The following TRABD2B variants were observed in gnomAD, a reference collection of about 807,000 sequenced individuals.
TRABD2B encodes TraB domain containing 2B.
A neutral mutation model predicts 40.1 loss-of-function variants in TRABD2B; 14 were observed. The observed-to-expected ratio is 0.35, with a 90% CI of 0.23 to 0.55. The LOEUF (loss-of-function observed/expected upper bound fraction) is 0.55, where lower values mean the gene tolerates loss of function less well. TRABD2B is among the 20% of genes least tolerant of loss of function. The probability of loss-of-function intolerance (pLI) is 0.90; values close to 1 mark genes in which losing one functional copy is unlikely to be tolerated. For synonymous variants in TRABD2B, 263 were observed against 277.0 expected (o/e 0.95, Z 0.50); for missense variants, 541 against 648.6 (o/e 0.83, Z 1.80).
chr1:47,822,281 T>C (rs183969670), intron 2 of TRABD2B, among the ~76,000 whole-genome samples: 120 of 152,306 alleles, frequency 7.9e-4, no homozygotes, highest in African/African-American at 2.4e-3. Context: ...GGGCTCACTG[T>C]CGGGAAAGAA....
intron 2 of TRABD2B, among the ~76,000 whole-genome samples, chr1:47,859,700 C>T (rs1643938523): frequency 6.6e-6 from 1 of 152,192 alleles, no homozygotes; most frequent in Non-Finnish European, 1.5e-5. Flanking sequence ...CCCCACTTCC[C>T]CACCATCTCC....
chr1:47,871,600 C>T (rs575061751), intron 2 of TRABD2B, among the ~76,000 whole-genome samples: 1 of 152,188 alleles, frequency 6.6e-6, no homozygotes, highest in Non-Finnish European at 1.5e-5. Context: ...CGCTCACACA[C>T]TCAGAGCCAG....
chr1:47,957,864 C>T (rs1376262324), intron 2 of TRABD2B, among the ~76,000 whole-genome samples: 3 of 152,090 alleles, frequency 2.0e-5, no homozygotes, highest in Non-Finnish European at 2.9e-5. Context: ...GAGACCACCA[C>T]GAAGATATTC....
At chr1:47,991,907 G>T (rs1440567582) in intron 2 of TRABD2B, among the ~76,000 whole-genome samples, 1 of 152,048 alleles carries the variant, frequency 6.6e-6, no homozygotes, top group Non-Finnish European at 1.5e-5. Context: ...TGAATTTTTG[G>T]ATCCCTAATG....
At chr1:47,822,175 CAT>C (rs1645120476) in intron 2 of TRABD2B, among the ~76,000 whole-genome samples, 1 of 152,074 alleles carries the variant, frequency 6.6e-6, no homozygotes, top group Non-Finnish European at 1.5e-5. Flanking sequence ...CACAAACACA[CAT>C]ACACTCCTCC....
At chr1:47,978,717 C>T (rs979674783) in intron 2 of TRABD2B, among the ~76,000 whole-genome samples, 4 of 152,164 alleles carry the variant, frequency 2.6e-5, no homozygotes, top group African/African-American at 9.7e-5. Context: ...AACAAATCAG[C>T]TTGGGTGCCG....
chr1:47,836,711 G>A (rs2124469570), intron 2 of TRABD2B, among the ~76,000 whole-genome samples: 1 of 152,318 alleles, frequency 6.6e-6, no homozygotes, highest in African/African-American at 2.4e-5. Context: ...TGGGGCCTTT[G>A]GGAGGTAATT....
chr1:47,800,336 G>A (rs766937876), intron 3 of TRABD2B, among the ~76,000 whole-genome samples: 1 of 152,194 alleles, frequency 6.6e-6, no homozygotes, highest in African/African-American at 2.4e-5. Context: ...CTGAGATGAC[G>A]AGATTTTAGT....
At chr1:47,887,558 T>G (rs1644386923) in intron 2 of TRABD2B, among the ~76,000 whole-genome samples, 1 of 142,402 alleles carries the variant, frequency 7.0e-6, no homozygotes, top group African/African-American at 2.6e-5. Flanking sequence ...AAGTGAAGGA[T>G]GTGAAAGTCC....
chr1:47,968,136 C>T (rs575725203), intron 2 of TRABD2B, among the ~76,000 whole-genome samples: 76 of 152,352 alleles, frequency 5.0e-4, no homozygotes, highest in African/African-American at 1.8e-3. Flanking sequence ...GAGATACTTA[C>T]ATTACCTGCT....
chr1:47,877,540 T>A (rs1380050709), intron 2 of TRABD2B, among the ~76,000 whole-genome samples: 1 of 152,106 alleles, frequency 6.6e-6, no homozygotes, highest in African/African-American at 2.4e-5. Flanking sequence ...TCTGAAAGCA[T>A]CTCGCCATCT....
At chr1:47,885,409 TC>T (rs1165139050) in intron 2 of TRABD2B, among the ~76,000 whole-genome samples, 1 of 152,184 alleles carries the variant, frequency 6.6e-6, no homozygotes, top group African/African-American at 2.4e-5. Flanking sequence ...GGCTGTGGGA[TC>T]CTTGAGACAA....
At chr1:47,774,315 C>T (rs1644414542) in intron 6 of TRABD2B, among the ~76,000 whole-genome samples, 1 of 152,228 alleles carries the variant, frequency 6.6e-6, no homozygotes, top group African/African-American at 2.4e-5. Context: ...GACTCTATGA[C>T]TGCTAAGCAT....
chr1:47,791,163 T>G (rs1644665928), intron 4 of TRABD2B, among the ~76,000 whole-genome samples: 1 of 152,070 alleles, frequency 6.6e-6, no homozygotes, highest in South Asian at 2.1e-4. Context: ...CGGGGTTGGG[T>G]CCTAACAAGC....
At chr1:47,995,250 G>A (rs1646072892) in intron 1 of TRABD2B, among the ~76,000 whole-genome samples, 1 of 152,144 alleles carries the variant, frequency 6.6e-6, no homozygotes. Context: ...TTGGAGGGCA[G>A]GTCTGGGGTG....
intron 3 of TRABD2B, among the ~76,000 whole-genome samples, chr1:47,800,642 C>T (rs1644810202): frequency 6.6e-6 from 1 of 152,190 alleles, no homozygotes; most frequent in Non-Finnish European, 1.5e-5. Context: ...TCAACTGCTT[C>T]TTGAATGAAC....
intron 2 of TRABD2B, among the ~76,000 whole-genome samples, chr1:47,863,394 A>ATATATATATAT (rs1396681662): frequency 3.9e-4 from 51 of 130,668 alleles, no homozygotes; most frequent in East Asian, 9.5e-4. Flanking sequence ...ATATATATAT[A>ATATATATATAT]ATCTCTTAAA....
At chr1:47,848,243 A>G (rs1645499181) in intron 2 of TRABD2B, among the ~76,000 whole-genome samples, 1 of 152,222 alleles carries the variant, frequency 6.6e-6, no homozygotes, top group Non-Finnish European at 1.5e-5. Context: ...GGGGATACAC[A>G]TATTACCCCC....
intron 2 of TRABD2B, among the ~76,000 whole-genome samples, chr1:47,949,117 T>A (rs1353652611): frequency 6.6e-6 from 1 of 152,216 alleles, no homozygotes; most frequent in Non-Finnish European, 1.5e-5. Flanking sequence ...GTAAAATTGC[T>A]AATACATAGT....
Sources: allele counts gnomAD v4.1 joint callset (sites outside exome capture counted in the v4.1 genomes callset), GRCh38; gene constraint gnomAD v4.1.1; transcripts MANE v1.5; gene names NCBI Gene and HGNC (gene_info 2026-07-23, HGNC 2026-07-21).